The following NRG3 variants were observed in gnomAD, a reference collection of about 807,000 sequenced individuals.
NRG3 encodes pro-neuregulin-3, membrane-bound isoform.
A neutral mutation model predicts 66.9 loss-of-function variants in NRG3; 31 were observed. The observed-to-expected ratio is 0.46, with a 90% CI of 0.35 to 0.63. The LOEUF is 0.63. Ranked by LOEUF, NRG3 falls within the 20% of genes least tolerant of loss-of-function variation. NRG3 has a pLI of 0.00. For missense variants in NRG3, 910 were observed against 878.9 expected, an observed-to-expected ratio of 1.04 and a Z score of -0.45; for synonymous variants, 393 against 359.4, an observed-to-expected ratio of 1.09 and a Z score of -1.06.
At chr10:82,184,719 C>T (rs746829159) in intron 1 of NRG3, among the ~76,000 whole-genome samples, 8 of 152,060 alleles carry the variant, frequency 5.3e-5, no homozygotes, top group Middle Eastern at 3.2e-3. Context: ...AGGTCATTAG[C>T]TTCTACAAAA....
At chr10:82,580,662 T>G (rs1373873082) in intron 2 of NRG3, among the ~76,000 whole-genome samples, 4 of 152,048 alleles carry the variant, frequency 2.6e-5, no homozygotes, top group East Asian at 1.9e-4. Context: ...GCAGTCTTTT[T>G]GGGCTTATTT....
chr10:82,910,057 G>T (rs186447254), intron 4 of NRG3, among the ~76,000 whole-genome samples: 36 of 152,270 alleles, frequency 2.4e-4, no homozygotes, highest in African/African-American at 7.2e-4. Flanking sequence ...TAGTGTCATG[G>T]TAAACATATG....
intron 2 of NRG3, among the ~76,000 whole-genome samples, chr10:82,579,207 G>A (rs949077297): frequency 6.6e-6 from 1 of 151,630 alleles, no homozygotes; most frequent in African/African-American, 2.4e-5. Context: ...TTACTAATCT[G>A]TAAATTAAGG....
At chr10:82,581,933 G>A (rs912517482) in intron 2 of NRG3, among the ~76,000 whole-genome samples, 1 of 139,160 alleles carries the variant, frequency 7.2e-6, no homozygotes, top group African/African-American at 2.7e-5. Flanking sequence ...CACTTTTTTT[G>A]CATAGAGATG....
intron 4 of NRG3, among the ~76,000 whole-genome samples, chr10:82,917,303 T>C (rs1467882977): frequency 6.6e-6 from 1 of 151,970 alleles, no homozygotes. Flanking sequence ...TTAGTAAATC[T>C]CCTGAGTGTA....
intron 2 of NRG3, among the ~76,000 whole-genome samples, chr10:82,469,532 G>C (rs1841026560): frequency 6.6e-6 from 1 of 152,192 alleles, no homozygotes; most frequent in Non-Finnish European, 1.5e-5. Flanking sequence ...ATGTGCATGA[G>C]AAAACTGACA....
intron 1 of NRG3, among the ~76,000 whole-genome samples, chr10:82,307,513 A>G (rs1218167597): frequency 2.0e-5 from 3 of 152,234 alleles, no homozygotes; most frequent in Non-Finnish European, 4.4e-5. Flanking sequence ...AAATTCGGAA[A>G]GATATATTTT....
At chr10:82,704,587 A>G (rs1370823471) in intron 2 of NRG3, among the ~76,000 whole-genome samples, 1 of 152,198 alleles carries the variant, frequency 6.6e-6, no homozygotes, top group African/African-American at 2.4e-5. Flanking sequence ...GAAATTTGTA[A>G]TAAATCTTCA....
chr10:82,514,542 A>C (rs1845480215), intron 2 of NRG3, among the ~76,000 whole-genome samples: 4 of 151,992 alleles, frequency 2.6e-5, no homozygotes, highest in Admixed American at 2.6e-4. Context: ...CCATTGGTCT[A>C]TCTGTCTGTT....
At position 82,709,782 on chromosome 10, in the gene NRG3, G is replaced by T. The variant is rs1037680008; in HGVS notation, c.954-28795G>T. Among the ~76,000 whole-genome samples the T allele has an allele frequency of 2.6e-5, 4 of 152,240 alleles. No homozygotes were observed. In the East Asian group the frequency reaches 7.7e-4, roughly 29 times the overall value. On this transcript the variant is annotated intron_variant, in intron 2 of 8. Coordinates refer to ENST00000372141, the MANE Select transcript of NRG3 (RefSeq NM_001010848.4). ...AATCACTTTCAGCCCTCTGTTTCTT[G>T]CAGGTCCTAAATAAAGTCCAAGTTC...
chr10:82,362,846 C>CT (rs2084276450), intron 2 of NRG3, among the ~76,000 whole-genome samples: 1 of 152,018 alleles, frequency 6.6e-6, no homozygotes, highest in South Asian at 2.1e-4. Flanking sequence ...TAAATAGAAT[C>CT]AGAAGTGTAT....
chr10:82,175,411 A>G (rs2072954890), intron 1 of NRG3, among the ~76,000 whole-genome samples: 1 of 152,138 alleles, frequency 6.6e-6, no homozygotes, highest in Non-Finnish European at 1.5e-5. Flanking sequence ...TTGACCTACC[A>G]TCTCAGCTCA....
chr10:81,999,334 A>T (rs1245094763), intron 1 of NRG3, among the ~76,000 whole-genome samples: 2 of 152,226 alleles, frequency 1.3e-5, no homozygotes, highest in African/African-American at 4.8e-5. Flanking sequence ...TCTAAAACTT[A>T]TCCCAAAATC....
Position 82,081,894 on chromosome 10 carries a change from C to T in NRG3, c.823+205731C>T, listed in dbSNP as rs189389347. 2.6e-5 allele frequency among the ~76,000 whole-genome samples: 4 copies of T among 152,258 alleles called. No homozygotes were observed. In the East Asian group the frequency reaches 7.7e-4, roughly 29 times the overall value. ...AACAAGCCAGGTGCTGTGCCATGCA[C>T]CTATAGTCCCAAATGCTAGAGAGGC... On this transcript the variant is annotated intron_variant, in intron 1 of 8. Transcript: ENST00000372141.
chr10:82,743,058 G>T (rs1156703445), intron 3 of NRG3, among the ~76,000 whole-genome samples: 1 of 152,074 alleles, frequency 6.6e-6, no homozygotes, highest in Non-Finnish European at 1.5e-5. Context: ...TTGGAAGCAA[G>T]GGCACGCCTC....
At chr10:82,678,477 ACAGAC>A (rs1323994608) in intron 2 of NRG3, among the ~76,000 whole-genome samples, 1 of 152,180 alleles carries the variant, frequency 6.6e-6, no homozygotes, top group Non-Finnish European at 1.5e-5. Context: ...TAAGGCAGGA[ACAGAC>A]CATTTTCACT....
intron 3 of NRG3, among the ~76,000 whole-genome samples, chr10:82,786,675 G>C (rs963695680): frequency 6.6e-6 from 1 of 152,134 alleles, no homozygotes; most frequent in Non-Finnish European, 1.5e-5. Context: ...AATTTATTTT[G>C]TGTGTGAGAA....
intron 2 of NRG3, among the ~76,000 whole-genome samples, chr10:82,441,934 T>C (rs182455456): frequency 6.6e-6 from 1 of 152,288 alleles, no homozygotes; most frequent in African/African-American, 2.4e-5. Flanking sequence ...TTACTTTCTT[T>C]CCAGAGCTTG....
intron 3 of NRG3, among the ~76,000 whole-genome samples, chr10:82,838,774 T>C (rs1237941772): frequency 6.6e-6 from 1 of 152,138 alleles, no homozygotes; most frequent in African/African-American, 2.4e-5. Flanking sequence ...ATACTCTGCT[T>C]TATAGCTGAA....
Sources: allele counts gnomAD v4.1 joint callset (sites outside exome capture counted in the v4.1 genomes callset), GRCh38; gene constraint gnomAD v4.1.1; transcripts MANE v1.5; gene names NCBI Gene and HGNC (gene_info 2026-07-23, HGNC 2026-07-21).